The following MTHFD2L variants were observed in gnomAD, a reference collection of about 807,000 sequenced individuals.
MTHFD2L encodes methylenetetrahydrofolate dehydrogenase (NADP+ dependent) 2 like, also known as bifunctional methylenetetrahydrofolate dehydrogenase/cyclohydrolase 2, mitochondrial.
In MTHFD2L, 29 loss-of-function variants were observed where a neutral mutation model predicts 34.9. The observed-to-expected ratio is 0.83, with a 90% CI of 0.62 to 1.13. MTHFD2L has a LOEUF of 1.13. Ranked by LOEUF, MTHFD2L falls within the 50% of genes most tolerant of loss-of-function variation. The pLI is 0.00. For synonymous variants in MTHFD2L, 167 were observed against 155.7 expected (o/e 1.07, Z -0.54); for missense variants, 481 against 446.5 (o/e 1.08, Z -0.70).
At chr4:74,299,439 A>G (rs1003038157) in intron 7 of MTHFD2L, among the ~76,000 whole-genome samples, 13 of 151,848 alleles carry the variant, frequency 8.6e-5, no homozygotes, top group African/African-American at 3.1e-4. Flanking sequence ...AGTAGCATAA[A>G]TGTTACTTCT....
At chr4:74,257,352 A>C (rs1744152902) in intron 6 of MTHFD2L, among the ~76,000 whole-genome samples, 1 of 152,184 alleles carries the variant, frequency 6.6e-6, no homozygotes, top group Non-Finnish European at 1.5e-5. Flanking sequence ...AAAAATAAAA[A>C]AGTAAGTTCA....
intron 1 of MTHFD2L, chr4:74,162,053 A>G (rs974260000): frequency 1.3e-5 from 2 of 152,226 alleles, no homozygotes; most frequent in African/African-American, 4.8e-5. Flanking sequence ...ACAATGTAGA[A>G]AACTTTATGG....
chr4:74,127,391 T>C (rs1722158599), intron 1 of MTHFD2L, among the ~76,000 whole-genome samples: 1 of 152,172 alleles, frequency 6.6e-6, no homozygotes, highest in Non-Finnish European at 1.5e-5. Flanking sequence ...TCAATCTCTG[T>C]TCTTCCTCCT....
At chr4:74,162,520 T>G (rs2109901509) in intron 1 of MTHFD2L, among the ~76,000 whole-genome samples, 2 of 151,890 alleles carry the variant, frequency 1.3e-5, no homozygotes, top group Admixed American at 1.3e-4. Flanking sequence ...TTTTTTTTTT[T>G]TTTTTGCTGT....
At chr4:74,266,783 A>C (rs535454061) in intron 6 of MTHFD2L, 1 of 889,724 alleles carries the variant, frequency 1.1e-6, no homozygotes, top group African/African-American at 1.8e-5. Context: ...TCAGCACTGA[A>C]TGCCTTAGCT....
At chr4:74,186,701 T>C (rs574602445) in intron 3 of MTHFD2L, among the ~76,000 whole-genome samples, 1 of 152,090 alleles carries the variant, frequency 6.6e-6, no homozygotes, top group Non-Finnish European at 1.5e-5. Flanking sequence ...ATAAATGGAT[T>C]AATAAACCAT....
chr4:74,270,696 C>A (rs374784964), intron 6 of MTHFD2L, among the ~76,000 whole-genome samples: 3 of 152,066 alleles, frequency 2.0e-5, no homozygotes, highest in Admixed American at 1.3e-4. Context: ...AGTAATGGGA[C>A]GGCTGAGTCA....
chr4:74,202,622 G>T (rs1317244491), intron 5 of MTHFD2L, among the ~76,000 whole-genome samples: 2 of 152,166 alleles, frequency 1.3e-5, no homozygotes, highest in African/African-American at 2.4e-5. Context: ...TCTGCATCTT[G>T]TTCTAATCTA....
chr4:74,281,432 A>G lies in MTHFD2L; in HGVS notation c.813A>G (p.Pro271=), dbSNP rs1747465025. The stretch of plus-strand genomic sequence containing the variant: ...AACTCTTTTTGTTTTCAGGTATTCC[A>G]AAGTTGATTACGTCTGATATGGTTA... ...ADIIIVAAGI[P]KLITSDMVKE... The change falls in exon 7 of 8, where the codon CCA becomes CCG. Residue 271 remains proline, a synonymous_variant. Coordinates refer to ENST00000325278, the MANE Select transcript of MTHFD2L (RefSeq NM_001144978.3). The G allele has an allele frequency of 1.2e-6, 2 of 1,611,946 alleles. No individual in the cohort carries two copies. Among genetic ancestry groups the G allele is most frequent in the Non-Finnish European group, 1.7e-6 (2 of 1,178,922 alleles).
chr4:74,131,228 A>C (rs1722471171), intron 1 of MTHFD2L, among the ~76,000 whole-genome samples: 1 of 152,222 alleles, frequency 6.6e-6, no homozygotes, highest in Admixed American at 6.5e-5. Flanking sequence ...GAATTAGAAA[A>C]AGCTACTTTA....
chr4:74,259,211 C>T (rs904140364), intron 6 of MTHFD2L, among the ~76,000 whole-genome samples: 1 of 152,156 alleles, frequency 6.6e-6, no homozygotes, highest in Non-Finnish European at 1.5e-5. Flanking sequence ...TTTTATCTCC[C>T]CAAGCCTATA....
chr4:74,143,402 G>A (rs1021286529), intron 1 of MTHFD2L: 2 of 985,308 alleles, frequency 2.0e-6, no homozygotes, highest in Non-Finnish European at 2.4e-6. Context: ...GGCTGGTGCA[G>A]CATGGAAACA....
intron 7 of MTHFD2L, among the ~76,000 whole-genome samples, chr4:74,286,945 C>A (rs1245839710): frequency 6.6e-6 from 1 of 152,092 alleles, no homozygotes; most frequent in African/African-American, 2.4e-5. Context: ...GATGTGTAGG[C>A]ATTTTTGTTA....
intron 3 of MTHFD2L, chr4:74,180,998 G>A (rs1730058745): frequency 6.4e-6 from 1 of 156,232 alleles, no homozygotes; most frequent in South Asian, 1.8e-4. Flanking sequence ...AATTTTTGGA[G>A]TATGTATCTT....
chr4:74,180,644 A>G (rs1367099198), intron 3 of MTHFD2L: 4 of 427,092 alleles, frequency 9.4e-6, no homozygotes, highest in South Asian at 1.6e-5. Flanking sequence ...GTCCTGTTTA[A>G]TGGTACTGGG....
At chr4:74,209,092 A>T (rs1459596481) in intron 5 of MTHFD2L, among the ~76,000 whole-genome samples, 1 of 152,156 alleles carries the variant, frequency 6.6e-6, no homozygotes, top group Non-Finnish European at 1.5e-5. Flanking sequence ...TATCAAAACA[A>T]AACAAGTTGG....
At chr4:74,158,904 A>G (rs1724791881) in intron 1 of MTHFD2L, among the ~76,000 whole-genome samples, 1 of 152,202 alleles carries the variant, frequency 6.6e-6, no homozygotes, top group Non-Finnish European at 1.5e-5. Flanking sequence ...CTTCTATCTT[A>G]TGCTTTACCA....
At position 74,148,067 on chromosome 4, in the gene MTHFD2L, C is replaced by T. The variant is rs149892904; in HGVS notation, c.-296-11988C>T. 7.5e-3 allele frequency among the ~76,000 whole-genome samples: 1,141 copies of T among 152,140 alleles called. 19 individuals are homozygous for T. The highest frequency in any genetic ancestry group is 0.025 in the African/African-American group (1,044 of 41,508). The stretch of plus-strand genomic sequence containing the variant: ...TTGGTATGGCATAAGGGTCCAACTT[C>T]GTTCTTTTGGTTATGGATATCCAGT... On this transcript the variant is annotated intron_variant, in intron 1 of 7. Coordinates refer to the MTHFD2L transcript ENST00000433372.
At chr4:74,272,234 G>A (rs1318849373) in intron 6 of MTHFD2L, among the ~76,000 whole-genome samples, 2 of 152,130 alleles carry the variant, frequency 1.3e-5, no homozygotes, top group Non-Finnish European at 2.9e-5. Flanking sequence ...GTGGGATCAC[G>A]GAGGAGGAAA....
Sources: allele counts gnomAD v4.1 joint callset (sites outside exome capture counted in the v4.1 genomes callset), GRCh38; gene constraint gnomAD v4.1.1; transcripts MANE v1.5; gene names NCBI Gene and HGNC (gene_info 2026-07-23, HGNC 2026-07-21).